The following RGSL1 variants were observed in gnomAD, a reference collection of about 807,000 sequenced individuals.
RGSL1 encodes the protein regulator of G protein signaling protein-like.
Under a neutral mutation model 124.7 loss-of-function variants are expected in RGSL1, and 97 were observed. The ratio of observed to expected loss-of-function variants is 0.78; its 90% CI spans 0.66 to 0.92. The LOEUF (loss-of-function observed/expected upper bound fraction) is 0.92. RGSL1 is among the 40% of genes least tolerant of loss of function. RGSL1 has a pLI of 0.00. For missense variants in RGSL1, 1,233 were observed against 1,288.4 expected (o/e 0.96, Z 0.66); for synonymous variants, 424 against 438.1 (o/e 0.97, Z 0.40).
intron 6 of RGSL1, among the ~76,000 whole-genome samples, chr1:182,479,488 A>G (rs1406288938): frequency 6.6e-6 from 1 of 152,162 alleles, no homozygotes; most frequent in African/African-American, 2.4e-5. Context: ...ACCACAAAAA[A>G]TGTATAGTAG....
At chr1:182,556,444 G>A (rs1660872527) in intron 21 of RGSL1, among the ~76,000 whole-genome samples, 1 of 152,180 alleles carries the variant, frequency 6.6e-6, no homozygotes, top group African/African-American at 2.4e-5. Context: ...TCTTTTAATG[G>A]TAGGATCTCT....
chr1:182,530,422 C>CAAGG, intron 12 of RGSL1, 61 bp downstream of exon 12: 9 of 1,286,890 alleles, frequency 7.0e-6, no homozygotes, highest in Non-Finnish European at 8.7e-6. Context: ...TTCTGAAAGC[C>CAAGG]ATATGCATCA....
At chr1:182,472,599 A>G (rs1402805743) in intron 5 of RGSL1, 42 bp downstream of exon 5, 1 of 1,475,148 alleles carries the variant, frequency 6.8e-7, no homozygotes, top group South Asian at 1.4e-5. Context: ...TGCAACAAAA[A>G]AGTAAATCCA....
intron 8 of RGSL1, among the ~76,000 whole-genome samples, chr1:182,489,625 C>T (rs111949963): frequency 0.01 from 1,568 of 152,290 alleles, 19 homozygotes; most frequent in African/African-American, 0.031. Flanking sequence ...TACAGTCACC[C>T]GCTTCCCTAA....
intron 4 of RGSL1, chr1:182,471,176 G>A (rs1653804417): frequency 2.3e-6 from 1 of 426,670 alleles, no homozygotes; most frequent in African/African-American, 2.0e-5. Flanking sequence ...GTCACAATTT[G>A]TCCTCACTAC....
intron 6 of RGSL1, among the ~76,000 whole-genome samples, chr1:182,478,742 CA>C (rs1654479532): frequency 6.6e-6 from 1 of 152,052 alleles, no homozygotes; most frequent in Non-Finnish European, 1.5e-5. Context: ...TTCTGAAACT[CA>C]AAGATCTCCA....
intron 1 of RGSL1, chr1:182,450,437 C>T: frequency 1.8e-6 from 1 of 552,026 alleles, no homozygotes; most frequent in Non-Finnish European, 3.3e-6. Flanking sequence ...TGGATTGGGC[C>T]ACCTCTCCTC....
At chr1:182,465,819 C>G (rs1030570836) in intron 4 of RGSL1, among the ~76,000 whole-genome samples, 1 of 151,980 alleles carries the variant, frequency 6.6e-6, no homozygotes, top group South Asian at 2.1e-4. Flanking sequence ...TTCTTTGAGG[C>G]CAGCATTACC....
chr1:182,546,075 C>T (rs931070852), intron 15 of RGSL1, among the ~76,000 whole-genome samples: 5 of 152,092 alleles, frequency 3.3e-5, no homozygotes, highest in African/African-American at 7.2e-5. Flanking sequence ...AAGTAATTTT[C>T]TATATCTTGT....
At chr1:182,488,811 G>A in intron 7 of RGSL1, 169 bp from the exon 8 acceptor site, 1 of 476,524 alleles carries the variant, frequency 2.1e-6, no homozygotes, top group Non-Finnish European at 3.7e-6. Context: ...AGTTTGATTA[G>A]AAAAGGGTGG....
At chr1:182,552,513 A>AAAC (rs1167575113) in intron 18 of RGSL1, among the ~76,000 whole-genome samples, 1 of 152,132 alleles carries the variant, frequency 6.6e-6, no homozygotes, top group Non-Finnish European at 1.5e-5. Flanking sequence ...AAACCAAAGA[A>AAAC]AACAGGTCTG....
Position 182,476,017 on chromosome 1 carries a change from G to A in RGSL1, c.1431+1475G>A, listed in dbSNP as rs972545257. ...AGTAAGTGAATTAGCCCAAAGCCATGCAGCTAGCTAGTAGATGATCCAGGA... is the reference window on the plus strand; with the variant it reads ...AGTAAGTGAATTAGCCCAAAGCCATACAGCTAGCTAGTAGATGATCCAGGA... On this transcript the variant is annotated intron_variant, in intron 6 of 21. Coordinates refer to ENST00000294854, the MANE Select transcript of RGSL1 (RefSeq NM_001137669.2). Among the ~76,000 whole-genome samples the A allele has an allele frequency of 5.3e-5, 8 of 152,258 alleles. 1 individual carries two copies. The highest frequency in any genetic ancestry group is 1.9e-4 in the East Asian group (1 of 5,176).
rs139628066 is a variant in RGSL1, at chr1:182,542,599, A to G, written c.2669+2178A>G. The stretch of plus-strand genomic sequence containing the variant: ...AGGATTTTTTTTTCTATTTCTGTGA[A>G]GAATGCCATTGGTATTTTGATAGGG... On this transcript the variant is annotated intron_variant, in intron 15 of 21. Transcript: ENST00000294854. Among the ~76,000 whole-genome samples the G allele has an allele frequency of 1.8e-4, 27 of 152,208 alleles. No individual in the cohort carries two copies. In the East Asian group the frequency reaches 5.0e-3, roughly 28 times the overall value.
intron 9 of RGSL1, among the ~76,000 whole-genome samples, chr1:182,520,695 G>A (rs1041059544): frequency 2.0e-5 from 3 of 151,884 alleles, no homozygotes; most frequent in Non-Finnish European, 2.9e-5. Context: ...GTTTTGCTTT[G>A]TTTTGTTTAT....
chr1:182,521,909 C>T (rs1362572162), intron 9 of RGSL1, 95 bp from the exon 10 acceptor site: 5 of 835,328 alleles, frequency 6.0e-6, no homozygotes, highest in Non-Finnish European at 9.3e-6. Flanking sequence ...GGGATTTTTT[C>T]ACATGAACTT....
At chr1:182,548,594 G>A (rs917678040) in intron 16 of RGSL1, 106 bp from the exon 17 acceptor site, 13 of 1,513,174 alleles carry the variant, frequency 8.6e-6, no homozygotes, top group Admixed American at 6.4e-5. Flanking sequence ...CATGAAAACC[G>A]TATGCCTTTT....
chr1:182,540,396 C>A lies in RGSL1; in HGVS notation c.2644C>A (p.Leu882Ile). Residue 882 changes from leucine (L) to isoleucine (I), a missense_variant, in exon 15 of 22, where the codon CTA (leucine) becomes ATA (isoleucine). Physicochemically the swap from Leu to Ile is conservative, Grantham distance 5 (BLOSUM62 2). Transcript: ENST00000294854. ...CACTGTCAACTTTGCGATCAATGAT[C>A]TATATTTCTTTTCTGAAATGGAGAA... ...IITVNFAINDLYFFSEMEKFN... is the reference protein window; with the variant it reads ...IITVNFAINDIYFFSEMEKFN... 1 of 1,550,314 alleles carries A rather than the reference C, an allele frequency of 6.5e-7. No homozygotes were observed. The highest frequency in any genetic ancestry group is 1.2e-5 in the South Asian group (1 of 83,800).
At chr1:182,553,682 CT>C in intron 19 of RGSL1, 141 bp downstream of exon 19, 1 of 701,294 alleles carries the variant, frequency 1.4e-6, no homozygotes, top group Non-Finnish European at 2.4e-6. Flanking sequence ...GATCACATAG[CT>C]TGTGAGTGGC....
upstream of RGSL1, chr1:182,449,169 A>G (rs575974646): frequency 4.6e-5 from 7 of 152,362 alleles, no homozygotes; most frequent in African/African-American, 1.7e-4. Context: ...GAAGTATGGT[A>G]AGCTACAATC....
Sources: allele counts gnomAD v4.1 joint callset (sites outside exome capture counted in the v4.1 genomes callset), GRCh38; gene constraint gnomAD v4.1.1; transcripts MANE v1.5; gene names NCBI Gene and HGNC (gene_info 2026-07-23, HGNC 2026-07-21).